The following LAIR1 variants were observed in gnomAD, a reference collection of about 807,000 sequenced individuals.
LAIR1 encodes the protein leukocyte-associated immunoglobulin-like receptor 1.
In LAIR1, 24 loss-of-function variants were observed where a neutral mutation model predicts 32.8. The observed-to-expected ratio is 0.73, with a 90% confidence interval of 0.53 to 1.03. The LOEUF is 1.03. Among genes scored for constraint, LAIR1 ranks in the 50% least tolerant of loss-of-function variants. LAIR1 has a pLI of 0.00. For missense variants in LAIR1, 355 were observed against 347.5 expected, an observed-to-expected ratio of 1.02 and a Z score of -0.17; for synonymous variants, 150 against 140.5, an observed-to-expected ratio of 1.07 and a Z score of -0.48.
At chr19:54,369,341 G>A (rs571127799), upstream of LAIR1, among the ~76,000 whole-genome samples, 2 of 151,430 alleles carry the variant, frequency 1.3e-5, no homozygotes, top group African/African-American at 4.9e-5. Flanking sequence ...TGAACTCCAG[G>A]TGCCCAGGAA....
chr19:54,353,757 G>A lies in LAIR1; in HGVS notation c.*1511C>T, dbSNP rs866971345. 6.6e-6 allele frequency: 1 copy of A among 151,496 alleles called. No homozygotes were observed. The highest frequency in any genetic ancestry group is 2.1e-4 in the South Asian group (1 of 4,816). The allele number at this position is 151,496 out of a possible 1,614,324, so 9.4% of individuals were successfully genotyped here. On this transcript the variant is annotated 3_prime_UTR_variant, in exon 10 of 10. Transcript: ENST00000391742. ...TTTTCTTTTCTTTTCTTTTTTGACG[G>A]AGTCTCGCTCTGTCGCCCAGGCTGG...
upstream of LAIR1, among the ~76,000 whole-genome samples, chr19:54,370,886 T>C (rs1033643089): frequency 9.9e-4 from 149 of 150,692 alleles, 8 homozygotes; most frequent in African/African-American, 3.6e-3. Flanking sequence ...AATGTAAAAC[T>C]CATGTCAAAG....
intron 2 of LAIR1, among the ~76,000 whole-genome samples, chr19:54,361,606 G>A (rs1306947414): frequency 1.4e-5 from 2 of 146,206 alleles, no homozygotes; most frequent in African/African-American, 2.5e-5. Flanking sequence ...ACAGAGAAGC[G>A]AGGGCTCTGG....
chr19:54,365,029 C>T (rs1324093737), upstream of LAIR1: 2 of 1,420,440 alleles, frequency 1.4e-6, no homozygotes, highest in East Asian at 2.6e-5. Flanking sequence ...ATGTCGCTTA[C>T]CCTAAATGTC....
upstream of LAIR1, among the ~76,000 whole-genome samples, chr19:54,373,401 G>GCCA (rs2082453216): frequency 6.7e-6 from 1 of 149,460 alleles, no homozygotes; most frequent in Admixed American, 6.7e-5. Context: ...CCGAGATCGC[G>GCCA]CCACTGCACT....
upstream of LAIR1, among the ~76,000 whole-genome samples, chr19:54,373,401 G>T (rs1047703438): frequency 9.4e-5 from 14 of 149,460 alleles, no homozygotes; most frequent in African/African-American, 3.5e-4. Flanking sequence ...CCGAGATCGC[G>T]CCACTGCACT....
upstream of LAIR1, among the ~76,000 whole-genome samples, chr19:54,369,712 A>G (rs1465758483): frequency 6.6e-6 from 1 of 151,608 alleles, no homozygotes; most frequent in Non-Finnish European, 1.5e-5. Flanking sequence ...TACATACACA[A>G]TATTTGCAAC....
intron 4 of LAIR1, among the ~76,000 whole-genome samples, chr19:54,359,066 C>A (rs1280273084): frequency 6.7e-6 from 1 of 149,604 alleles, no homozygotes; most frequent in East Asian, 2.0e-4. Flanking sequence ...CCGCTGTGCC[C>A]CAGCAGCCCA....
At position 54,356,269 on chromosome 19, in the gene LAIR1, T is replaced by A. The variant is rs1171902250; in HGVS notation, c.627-2A>T. ...AGAACATCAACAGCCAGGTCAGGCC[T>A]AAGAGGAAAAATAAAAGTGAACCTC... On this transcript the variant is annotated splice_acceptor_variant, in intron 7 of 9. Coordinates refer to ENST00000391742, the MANE Select transcript of LAIR1 (RefSeq NM_002287.6). LOFTEE classifies it high-confidence loss of function. The A allele has an allele frequency of 1.2e-6, 2 of 1,612,688 alleles. No individual in the cohort carries two copies. The highest frequency in any genetic ancestry group is 1.7e-6 in the Non-Finnish European group (2 of 1,179,738).
At chr19:54,371,029 C>G (rs1199590681), upstream of LAIR1, among the ~76,000 whole-genome samples, 1 of 150,264 alleles carries the variant, frequency 6.7e-6, no homozygotes, top group Non-Finnish European at 1.5e-5. Flanking sequence ...GGTAAATTTC[C>G]AAAGGCCAAT....
Position 54,355,218 on chromosome 19 carries a change from T to C in LAIR1, c.*50A>G. 1.3e-6 allele frequency: 2 copies of C among 1,493,002 alleles called. No homozygotes were observed. Among genetic ancestry groups the C allele is most frequent in the Non-Finnish European group, 9.0e-7 (1 of 1,113,414 alleles). The allele number at this position is 1,493,002 out of a possible 1,614,324, so 92.5% of individuals were successfully genotyped here. ...CTTCCAAATGGCTGCTTCAGGCTTT[T>C]CCTAGAGTGACTTTCTACCCTCAGG... On this transcript the variant is annotated 3_prime_UTR_variant, in exon 10 of 10. Transcript: ENST00000391742. The surrounding 1 kb of genome is among the most constrained non-coding windows in gnomAD (Gnocchi z 4.7).
chr19:54,355,157 C>A lies in LAIR1; in HGVS notation c.*111G>T, dbSNP rs2081636312. ...TCTTGTCTCCAGGACAGCTGCCTGG[C>A]TGGCTTTCTAGATGAAGAGGAATCC... is the stretch of plus-strand genomic sequence containing the variant. On this transcript the variant is annotated 3_prime_UTR_variant, in exon 10 of 10. Transcript: ENST00000391742. This position sits in a 1 kb window ranked among gnomAD's most constrained non-coding sequence, Gnocchi z 4.7. 8 of 1,080,412 alleles carry A rather than the reference C, an allele frequency of 7.4e-6. 1 individual carries two copies. In the Admixed American group the frequency reaches 1.7e-4, roughly 23 times the overall value. 66.9% of individuals were successfully genotyped at this position (1,080,412 alleles called of 1,614,324 possible). A position where few individuals can be genotyped will look rare whatever the true frequency, so the allele number is the denominator to read the frequency against.
intron 5 of LAIR1, 53 bp from the exon 6 acceptor site, chr19:54,356,672 T>C: frequency 1.3e-6 from 2 of 1,551,728 alleles, no homozygotes; most frequent in South Asian, 1.1e-5. Context: ...GAGCACCTAC[T>C]GTATACCACA....
In LAIR1 at chr19:54,355,503, A is replaced by G. The variant is rs528067911; in HGVS notation, c.718-89T>C. 6 of 1,234,002 alleles carry G rather than the reference A, an allele frequency of 4.9e-6. No individual in the cohort carries two copies. Among genetic ancestry groups the G allele is most frequent in the Non-Finnish European group, 6.7e-6 (6 of 893,482 alleles). 76.4% of individuals were successfully genotyped at this position (1,234,002 alleles called of 1,614,324 possible). On this transcript the variant is annotated intron_variant, in intron 9 of 9. Transcript: ENST00000391742. This position sits in a 1 kb window ranked among gnomAD's most constrained non-coding sequence, Gnocchi z 4.7. ...AGGGAGGGCTGTGGCGGCCATCTCC[A>G]TGGGCCCTGAGGACCCTCTCCTAAA... is the stretch of plus-strand genomic sequence containing the variant.
At position 54,364,751 on chromosome 19, in the gene LAIR1, C is replaced by T. The variant is rs189612973; in HGVS notation, c.34+20G>A. The T allele has an allele frequency of 4.4e-4, 701 of 1,605,474 alleles. 1 individual carries two copies. The African/African-American group carries it at 5.7e-3, about 13-fold the overall frequency. ...CCTCCCGACCCCCTTTCCAGCCTCC[C>T]GGCTGCCTCCAGGACTCACCTAGGC... On this transcript the variant is annotated intron_variant, in intron 1 of 9. Transcript: ENST00000391742. This position sits in a 1 kb window ranked among gnomAD's most constrained non-coding sequence, Gnocchi z 4.8.
chr19:54,358,187 AT>A (rs1292643609), intron 4 of LAIR1: 1 of 146,362 alleles, frequency 6.8e-6, no homozygotes, highest in Admixed American at 6.9e-5. Flanking sequence ...TATTTTTTCT[AT>A]TATAGTTATA....
rs1327461816 is a variant in LAIR1, at chr19:54,353,592, T to C, written c.*1676A>G. 1 of 152,146 alleles carries C rather than the reference T, an allele frequency of 6.6e-6. No individual in the cohort carries two copies. The highest frequency in any genetic ancestry group is 1.5e-5 in the Non-Finnish European group (1 of 68,032). 9.4% of individuals were successfully genotyped at this position (152,146 alleles called of 1,614,324 possible). On this transcript the variant is annotated 3_prime_UTR_variant, in exon 10 of 10. Coordinates refer to ENST00000391742, the MANE Select transcript of LAIR1 (RefSeq NM_002287.6). ...TGTCTCGGTCCATAGTTTCTGTTTT[T>C]ATAAATGAGGAAAATAATAGAGCAC...
At chr19:54,356,652 T>G (rs1350004523) in intron 5 of LAIR1, 33 bp from the exon 6 acceptor site, 1 of 1,609,570 alleles carries the variant, frequency 6.2e-7, no homozygotes, top group Admixed American at 1.7e-5. Flanking sequence ...TTCAGCAGTG[T>G]GCATTTATTG....
rs758488993 is a variant in LAIR1 at position 54,361,200 on chromosome 19, G to C, written c.80C>G (p.Pro27Arg). 4 of 1,614,128 alleles carry C rather than the reference G, an allele frequency of 2.5e-6. No individual in the cohort carries two copies. The highest frequency in any genetic ancestry group is 3.4e-6 in the Non-Finnish European group (4 of 1,180,006). ...QTIHTQEEDL[P>R]RPSISAEPGT... is the part of the protein sequence containing the mutation. ...TGGCTCAGCCGAGATGGAGGGTCTGGGCAGATCTTCTAGGAGGGAAGCAGA... is the reference window on the plus strand; with the variant it reads ...TGGCTCAGCCGAGATGGAGGGTCTGCGCAGATCTTCTAGGAGGGAAGCAGA... Residue 27 changes from proline (P) to arginine (R), a missense_variant, in exon 3 of 10, where the codon CCC becomes CGC. Transcript: ENST00000391742.
Sources: gnomAD v4.1 joint callset for allele counts (sites outside exome capture counted in the v4.1 genomes callset) on GRCh38, gnomAD v4.1.1 for gene constraint, Gnocchi (gnomAD v3.1) non-coding constraint, MANE v1.5 for transcripts, NCBI Gene and HGNC (gene_info 2026-07-23, HGNC 2026-07-21) for gene names.